The following POU2F2 variants were observed in gnomAD, a reference collection of about 807,000 sequenced individuals.
The protein encoded by POU2F2 is POU domain, class 2, transcription factor 2.
POU2F2 carries 14 observed loss-of-function variants against 63.5 expected under a neutral mutation model. That is an observed-to-expected ratio of 0.22 (90% confidence interval 0.15 to 0.34). POU2F2 has a LOEUF of 0.34. Ranked by LOEUF, POU2F2 falls within the 10% of genes least tolerant of loss-of-function variation. The probability of loss-of-function intolerance (pLI) is 1.00; values close to 1 mark genes in which losing one functional copy is unlikely to be tolerated. For synonymous variants in POU2F2, 306 were observed against 348.6 expected, an observed-to-expected ratio of 0.88 and a Z score of 1.36; for missense variants, 607 against 815.2, an observed-to-expected ratio of 0.74 and a Z score of 3.11.
upstream of POU2F2, among the ~76,000 whole-genome samples, chr19:42,178,950 G>C (rs1255420858): frequency 6.6e-6 from 1 of 152,140 alleles, no homozygotes; most frequent in Non-Finnish European, 1.5e-5. Flanking sequence ...AACCTCAGGA[G>C]ACACACAGAG....
intron 2 of POU2F2, among the ~76,000 whole-genome samples, chr19:42,146,032 CAAAAAAAAAAAAAAA>C (rs1004458482): frequency 6.0e-5 from 3 of 49,770 alleles, no homozygotes; most frequent in Non-Finnish European, 1.3e-4. Flanking sequence ...GACTCCGTCT[CAAAAAAAAAAAAAAA>C]AAAAAGAAAA....
intron 1 of POU2F2, among the ~76,000 whole-genome samples, chr19:42,186,965 A>G (rs1047030727): frequency 2.6e-5 from 4 of 152,192 alleles, no homozygotes; most frequent in Non-Finnish European, 2.9e-5. Context: ...TGGATCCAGC[A>G]AAGAGTTATA....
intron 5 of POU2F2, among the ~76,000 whole-genome samples, chr19:42,104,283 A>C (rs2146419734): frequency 6.6e-6 from 1 of 152,212 alleles, no homozygotes; most frequent in African/African-American, 2.4e-5. Flanking sequence ...TGATTTGGCA[A>C]TGTCTATCAA....
At chr19:42,121,821 G>A (rs1193292351) in intron 4 of POU2F2, among the ~76,000 whole-genome samples, 1 of 152,142 alleles carries the variant, frequency 6.6e-6, no homozygotes, top group Non-Finnish European at 1.5e-5. Flanking sequence ...GGGGACAGGC[G>A]GTGGTGCAGG....
At chr19:42,161,442 C>A (rs1483700505) in intron 1 of POU2F2, among the ~76,000 whole-genome samples, 2 of 152,008 alleles carry the variant, frequency 1.3e-5, no homozygotes, top group Non-Finnish European at 2.9e-5. Flanking sequence ...GAGAAGTAGG[C>A]AAGAGGTCAG....
chr19:42,092,335 G>C lies in POU2F2; in HGVS notation c.1265-65C>G, dbSNP rs2076754767. On this transcript the variant is annotated intron_variant, in intron 12 of 14. Coordinates refer to ENST00000692977, the MANE Select transcript of POU2F2 (RefSeq NM_001394376.1). The surrounding 1 kb of genome is among the most constrained non-coding windows in gnomAD (Gnocchi z 5.0). ...ACTCGTCCCCCACTGAGGAACCTGG[G>C]GTCAGCTCCTACTTGTCCTCCCGCC... is the stretch of plus-strand genomic sequence containing the variant. 3.1e-6 allele frequency: 4 copies of C among 1,277,984 alleles called. No individual in the cohort carries two copies. The African/African-American group carries it at 5.9e-5, about 19-fold the overall frequency. 79.2% of individuals were successfully genotyped at this position (1,277,984 alleles called of 1,614,324 possible).
At chr19:42,094,342 G>A (rs779990800) in intron 11 of POU2F2, among the ~76,000 whole-genome samples, 3 of 152,300 alleles carry the variant, frequency 2.0e-5, no homozygotes, top group Non-Finnish European at 4.4e-5. Context: ...GATCTAAAGT[G>A]CGAGGCTAAA....
At chr19:42,098,616 G>A (rs1326856257) in intron 7 of POU2F2, among the ~76,000 whole-genome samples, 1 of 152,126 alleles carries the variant, frequency 6.6e-6, no homozygotes, top group Non-Finnish European at 1.5e-5. Context: ...GGCAGGTTTT[G>A]CAGTCAAATG....
Position 42,159,553 on chromosome 19 carries a change from C to G in POU2F2, c.-9+779G>C, listed in dbSNP as rs188170042. Among the ~76,000 whole-genome samples, 5 of 152,244 alleles carry G rather than the reference C, an allele frequency of 3.3e-5. No homozygotes were observed. The East Asian group carries it at 9.7e-4, about 29-fold the overall frequency. On this transcript the variant is annotated intron_variant, in intron 2 of 6. Transcript: ENST00000524801. ...CCAGAAGCCCTGTCCACCCTCCTCC[C>G]TAGATGCTCATTGCCAGGGCCTCAC...
chr19:42,106,842 G>GAGGAGA (rs895216119), intron 5 of POU2F2, among the ~76,000 whole-genome samples: 16 of 151,554 alleles, frequency 1.1e-4, no homozygotes, highest in African/African-American at 3.9e-4. Flanking sequence ...GGAGGAGCAG[G>GAGGAGA]AGGAGAAGGA....
chr19:42,146,235 T>A (rs931038850), intron 2 of POU2F2, among the ~76,000 whole-genome samples: 1 of 152,146 alleles, frequency 6.6e-6, no homozygotes, highest in East Asian at 1.9e-4. Flanking sequence ...GAGACACAGA[T>A]GGAACCAGGA....
intron 1 of POU2F2, chr19:42,123,352 G>A (rs2032870679): frequency 6.6e-6 from 1 of 152,220 alleles, no homozygotes; most frequent in Non-Finnish European, 1.5e-5. Context: ...CTAGGCCCAG[G>A]AAATGAAAGG....
At chr19:42,143,208 C>CA (rs1363397008) in intron 2 of POU2F2, among the ~76,000 whole-genome samples, 6 of 152,022 alleles carry the variant, frequency 3.9e-5, no homozygotes, top group Non-Finnish European at 5.9e-5. Context: ...GCTAAAAATA[C>CA]AAAAAATTAG....
Position 42,117,376 on chromosome 19 carries a change from A to G in POU2F2, c.243T>C (p.Ser81=). ...LTFWGPGPCL[S]PPQIKAEDPS... is the part of the protein sequence containing the mutation. ...GGTCTTCAGCCTTGATCTGGGGGGG[A>G]GAGAGGCAGGGTCCGGGACCCCAGA... The change falls in exon 5 of 15, where the codon TCT becomes TCC. Residue 81 remains serine (S), a synonymous_variant. Transcript: ENST00000692977. This position sits in a 1 kb window ranked among gnomAD's most constrained non-coding sequence, Gnocchi z 4.4. The G allele has an allele frequency of 6.6e-7, 1 of 1,517,554 alleles. No homozygotes were observed. The highest frequency in any genetic ancestry group is 1.3e-5 in the South Asian group (1 of 77,712). The allele number at this position is 1,517,554 out of a possible 1,614,324, so 94.0% of individuals were successfully genotyped here. A position where few individuals can be genotyped will look rare whatever the true frequency, so the allele number is the denominator to read the frequency against.
chr19:42,123,937 C>G (rs1000650381), intron 1 of POU2F2, among the ~76,000 whole-genome samples: 13 of 152,144 alleles, frequency 8.5e-5, no homozygotes, highest in African/African-American at 3.1e-4. Flanking sequence ...TCCAAAATCC[C>G]TGCCTAAACC....
At chr19:42,170,270 T>C (rs2034734862) in intron 1 of POU2F2, among the ~76,000 whole-genome samples, 1 of 151,590 alleles carries the variant, frequency 6.6e-6, no homozygotes. Flanking sequence ...ATTCAAACTC[T>C]GAAACAGGCA....
At chr19:42,185,241 C>CA (rs2035000808) in intron 1 of POU2F2, among the ~76,000 whole-genome samples, 1 of 152,170 alleles carries the variant, frequency 6.6e-6, no homozygotes, top group South Asian at 2.1e-4. Context: ...TCCCTGCTCC[C>CA]AGTGTCCTAG....
At position 42,169,647 on chromosome 19, in the gene POU2F2, T is replaced by C. The variant is rs1385492417; in HGVS notation, c.-70+6316A>G. Among the ~76,000 whole-genome samples the C allele has an allele frequency of 5.9e-5, 9 of 152,214 alleles. No homozygotes were observed. Among genetic ancestry groups the C allele is most frequent in the Non-Finnish European group, 1.3e-4 (9 of 68,032 alleles). On this transcript the variant is annotated intron_variant, in intron 1 of 6. Transcript: ENST00000524801. This position sits in a 1 kb window ranked among gnomAD's most constrained non-coding sequence, Gnocchi z 4.3. ...TCTGTGTATGTCTCTTGCAGGATCA[T>C]TGCATGTGTCTGCATGCTTATGTAT...
chr19:42,128,275 C>T (rs1370964440), intron 1 of POU2F2, among the ~76,000 whole-genome samples: 3 of 152,202 alleles, frequency 2.0e-5, no homozygotes, highest in Admixed American at 6.5e-5. Context: ...AAACAAACCC[C>T]TATCTCTACT....
Sources: gnomAD v4.1 joint callset for allele counts (sites outside exome capture counted in the v4.1 genomes callset) on GRCh38, gnomAD v4.1.1 for gene constraint, Gnocchi (gnomAD v3.1) non-coding constraint, MANE v1.5 for transcripts, NCBI Gene and HGNC (gene_info 2026-07-23, HGNC 2026-07-21) for gene names.